LGSN: variants seen among roughly 807,000 people sequenced by gnomAD.
The protein encoded by LGSN is lengsin, lens protein with glutamine synthetase domain, also known as lengsin.
LGSN carries 21 observed loss-of-function variants against 19.5 expected under a neutral mutation model. That is an observed-to-expected ratio of 1.07 (90% confidence interval 0.76 to 1.55). The LOEUF (loss-of-function observed/expected upper bound fraction) is 1.55, where lower values mean the gene tolerates loss of function less well. Among genes scored for constraint, LGSN ranks in the 40% most tolerant of loss-of-function variants. The pLI is 0.00. For synonymous variants in LGSN, 257 were observed against 215.6 expected, an observed-to-expected ratio of 1.19 and a Z score of -1.68; for missense variants, 673 against 608.5, an observed-to-expected ratio of 1.11 and a Z score of -1.12.
chr6:63,547,033 G>A, the LGSN span, among the ~76,000 whole-genome samples: 1 of 152,054 alleles, frequency 6.6e-6, no homozygotes. Flanking sequence ...AGTAGTGATA[G>A]ATGGTTTTCA....
chr6:63,462,742 C>G, the LGSN span, among the ~76,000 whole-genome samples: 1 of 152,062 alleles, frequency 6.6e-6, no homozygotes, highest in Non-Finnish European at 1.5e-5. Flanking sequence ...CTACAGCGTA[C>G]TTGCCATAAG....
chr6:63,285,203 A>AT (rs560880977), intron 3 of LGSN, among the ~76,000 whole-genome samples: 61 of 152,166 alleles, frequency 4.0e-4, no homozygotes, highest in African/African-American at 1.4e-3. Context: ...CTATTTAATC[A>AT]TTTTTTCCTT....
chr6:63,520,524 G>A, the LGSN span, among the ~76,000 whole-genome samples: 1 of 152,048 alleles, frequency 6.6e-6, no homozygotes, highest in East Asian at 1.9e-4. Context: ...CTACTCGGGA[G>A]GCTGAGGTAG....
the LGSN span, among the ~76,000 whole-genome samples, chr6:63,349,913 T>G: frequency 6.6e-6 from 1 of 152,178 alleles, no homozygotes; most frequent in Admixed American, 6.5e-5. Context: ...TCTGGTGGCA[T>G]TTAGGGATAA....
At chr6:63,351,967 T>C in the LGSN span, among the ~76,000 whole-genome samples, 2 of 152,224 alleles carry the variant, frequency 1.3e-5, no homozygotes, top group Non-Finnish European at 2.9e-5. Context: ...TTTTCCAATG[T>C]ATAAAGAAAG....
At chr6:63,318,709 T>C (rs1210100784) in intron 1 of LGSN, among the ~76,000 whole-genome samples, 1 of 152,274 alleles carries the variant, frequency 6.6e-6, no homozygotes, top group African/African-American at 2.4e-5. Context: ...GGCATGGCTT[T>C]TAAGGACTTT....
the LGSN span, among the ~76,000 whole-genome samples, chr6:63,393,751 C>T: frequency 2.0e-5 from 3 of 152,184 alleles, no homozygotes; most frequent in African/African-American, 7.2e-5. Flanking sequence ...ACTTTCTTTT[C>T]TTCTGCCTAT....
chr6:63,548,781 C>T, the LGSN span: 64 of 722,796 alleles, frequency 8.9e-5, no homozygotes, highest in Non-Finnish European at 1.4e-4. Flanking sequence ...AGACTTGGGA[C>T]CCAGGACATT....
chr6:63,439,839 C>G, the LGSN span, among the ~76,000 whole-genome samples: 2 of 152,214 alleles, frequency 1.3e-5, no homozygotes, highest in East Asian at 3.8e-4. Context: ...ATCGAACCTT[C>G]TCTCTATATA....
At chr6:63,491,485 A>G in the LGSN span, among the ~76,000 whole-genome samples, 1 of 152,192 alleles carries the variant, frequency 6.6e-6, no homozygotes, top group African/African-American at 2.4e-5. Flanking sequence ...GAATCCTCCC[A>G]AAGCCTCCAT....
chr6:63,520,592 C>G, the LGSN span, among the ~76,000 whole-genome samples: 2 of 151,626 alleles, frequency 1.3e-5, no homozygotes, highest in African/African-American at 4.8e-5. Context: ...GATCATGCCA[C>G]TTCACTCCAG....
At chr6:63,306,821 C>T (rs985386495) in intron 1 of LGSN, among the ~76,000 whole-genome samples, 6 of 152,166 alleles carry the variant, frequency 3.9e-5, no homozygotes, top group Non-Finnish European at 5.9e-5. Flanking sequence ...ACGTGGCCCT[C>T]GTGTTGCCAG....
the LGSN span, among the ~76,000 whole-genome samples, chr6:63,363,899 A>G: frequency 6.6e-6 from 1 of 152,186 alleles, no homozygotes; most frequent in East Asian, 1.9e-4. Context: ...CAATTGTCAG[A>G]TTCAACAAAC....
At chr6:63,357,662 C>T in the LGSN span, among the ~76,000 whole-genome samples, 61 of 152,156 alleles carry the variant, frequency 4.0e-4, no homozygotes, top group East Asian at 0.011. Context: ...ATCCTTTGCC[C>T]ACTTGTTGAT....
chr6:63,373,091 C>G, the LGSN span, among the ~76,000 whole-genome samples: 3 of 152,280 alleles, frequency 2.0e-5, no homozygotes, highest in East Asian at 5.8e-4. Context: ...ATTGGTGCTA[C>G]TTGAGACTAT....
the LGSN span, among the ~76,000 whole-genome samples, chr6:63,524,367 A>G: frequency 2.6e-5 from 4 of 152,160 alleles, no homozygotes; most frequent in East Asian, 5.8e-4. Flanking sequence ...TGAAAAAATT[A>G]TTTCATATTG....
the LGSN span, among the ~76,000 whole-genome samples, chr6:63,332,727 T>C: frequency 1.7e-4 from 26 of 152,052 alleles, no homozygotes; most frequent in Non-Finnish European, 7.4e-5. Flanking sequence ...TCGAAAGGGG[T>C]CCGATGGTAC....
chr6:63,413,365 A>G, the LGSN span, among the ~76,000 whole-genome samples: 1 of 152,186 alleles, frequency 6.6e-6, no homozygotes, highest in Non-Finnish European at 1.5e-5. Flanking sequence ...TAAGAAATGG[A>G]TACACAATAT....
chr6:63,452,537 A>C, the LGSN span, among the ~76,000 whole-genome samples: 1 of 152,256 alleles, frequency 6.6e-6, no homozygotes, highest in South Asian at 2.1e-4. Context: ...GAATTTGCAA[A>C]GCTCATCTGT....
Sources: gnomAD v4.1 joint callset for allele counts (sites outside exome capture counted in the v4.1 genomes callset) on GRCh38, gnomAD v4.1.1 for gene constraint, MANE v1.5 for transcripts, NCBI Gene and HGNC (gene_info 2026-07-23, HGNC 2026-07-21) for gene names.